Variants in SCFD2 observed in about 807,000 individuals in gnomAD.
The protein encoded by SCFD2 is sec1 family domain containing 2.
In SCFD2, 54 loss-of-function variants were observed where a neutral mutation model predicts 58.9. The ratio of observed to expected loss-of-function variants is 0.92; its 90% CI spans 0.74 to 1.15. The LOEUF (loss-of-function observed/expected upper bound fraction) is 1.15, where lower values mean the gene tolerates loss of function less well. Ranked by LOEUF, SCFD2 falls within the 50% of genes most tolerant of loss-of-function variation. The pLI, the probability that SCFD2 is intolerant of heterozygous loss-of-function variation, is 0.00. For missense variants in SCFD2, 805 were observed against 836.6 expected (o/e 0.96, Z 0.47); for synonymous variants, 321 against 335.9 (o/e 0.96, Z 0.49).
chr4:52,981,721 G>C (rs771469768), intron 5 of SCFD2, among the ~76,000 whole-genome samples: 2 of 152,138 alleles, frequency 1.3e-5, no homozygotes, highest in Non-Finnish European at 2.9e-5. Context: ...TTTGGAAGGG[G>C]TACAGGGTGA....
chr4:53,294,831 G>T (rs1334412069), intron 3 of SCFD2, among the ~76,000 whole-genome samples: 1 of 152,122 alleles, frequency 6.6e-6, no homozygotes, highest in Non-Finnish European at 1.5e-5. Flanking sequence ...TGTAAGGAAG[G>T]AATCCAGTTT....
chr4:52,922,116 C>T (rs778964542), intron 5 of SCFD2, among the ~76,000 whole-genome samples: 20 of 152,128 alleles, frequency 1.3e-4, no homozygotes, highest in Non-Finnish European at 2.1e-4. Flanking sequence ...ATTCAGTATT[C>T]GCACCCACAT....
intron 4 of SCFD2, among the ~76,000 whole-genome samples, chr4:53,174,402 TA>T (rs1352879868): frequency 1.3e-5 from 2 of 152,048 alleles, no homozygotes; most frequent in East Asian, 3.9e-4. Flanking sequence ...AATGAAATTG[TA>T]AAAAATATAT....
At chr4:52,989,212 C>T (rs1721565962) in intron 5 of SCFD2, among the ~76,000 whole-genome samples, 1 of 152,116 alleles carries the variant, frequency 6.6e-6, no homozygotes, top group Non-Finnish European at 1.5e-5. Context: ...TGGATGATGT[C>T]CCTAGTTCTG....
At chr4:53,355,705 C>T (rs879162801) in intron 1 of SCFD2, among the ~76,000 whole-genome samples, 1 of 152,112 alleles carries the variant, frequency 6.6e-6, no homozygotes, top group Admixed American at 6.5e-5. Context: ...CTCAACCTAC[C>T]CCTCCAACTG....
chr4:52,918,021 A>G (rs1050707342), intron 6 of SCFD2, among the ~76,000 whole-genome samples: 3 of 152,136 alleles, frequency 2.0e-5, no homozygotes, highest in Non-Finnish European at 2.9e-5. Flanking sequence ...AATATGCAGC[A>G]TAGGTCAGAC....
In SCFD2 at chr4:53,193,037, A is replaced by G. The variant is rs529728927; in HGVS notation, c.1312-47455T>C. Reference sequence around the variant, plus strand: ...ACCTCCTTATTGTAAACGAGTTGTAAGCATAAATTACATCTAACTTGTCAG... The same window carrying G: ...ACCTCCTTATTGTAAACGAGTTGTAGGCATAAATTACATCTAACTTGTCAG... On this transcript the variant is annotated intron_variant, in intron 4 of 8. Transcript: ENST00000401642. 7.2e-5 allele frequency among the ~76,000 whole-genome samples: 11 copies of G among 152,314 alleles called. No individual in the cohort carries two copies. In the South Asian group the frequency reaches 2.3e-3, roughly 32 times the overall value.
At chr4:52,907,667 G>T in intron 6 of SCFD2, 76 bp from the exon 7 acceptor site, 1 of 1,429,338 alleles carries the variant, frequency 7.0e-7, no homozygotes, top group South Asian at 1.2e-5. Context: ...CTGCAATGAA[G>T]AAAGCAAAGC....
intron 4 of SCFD2, among the ~76,000 whole-genome samples, chr4:53,231,334 G>A (rs1054268775): frequency 1.3e-5 from 2 of 152,050 alleles, no homozygotes; most frequent in Non-Finnish European, 2.9e-5. Flanking sequence ...TCTTGTTCAT[G>A]GATTCAGCCT....
At chr4:52,908,198 T>C (rs1188819233) in intron 6 of SCFD2, among the ~76,000 whole-genome samples, 1 of 152,252 alleles carries the variant, frequency 6.6e-6, no homozygotes, top group Non-Finnish European at 1.5e-5. Flanking sequence ...ATTAGGGAGA[T>C]GTTAGTTTGC....
chr4:52,887,760 C>T (rs1306364697), intron 7 of SCFD2, among the ~76,000 whole-genome samples: 1 of 152,180 alleles, frequency 6.6e-6, no homozygotes, highest in African/African-American at 2.4e-5. Flanking sequence ...ATCTGTGGGT[C>T]ACAGGCAGTC....
chr4:52,975,712 A>G (rs1435834284), intron 5 of SCFD2, among the ~76,000 whole-genome samples: 1 of 152,190 alleles, frequency 6.6e-6, no homozygotes, highest in African/African-American at 2.4e-5. Flanking sequence ...TGCTATAAAG[A>G]CACATGCACA....
intron 4 of SCFD2, among the ~76,000 whole-genome samples, chr4:53,245,713 G>A (rs911088868): frequency 5.3e-5 from 8 of 152,040 alleles, no homozygotes; most frequent in Admixed American, 6.6e-5. Flanking sequence ...AAAATAGTAA[G>A]GACCATCTAT....
chr4:52,960,213 A>G (rs972757418), intron 5 of SCFD2, among the ~76,000 whole-genome samples: 3 of 152,068 alleles, frequency 2.0e-5, no homozygotes, highest in Non-Finnish European at 4.4e-5. Flanking sequence ...TTATAATTTC[A>G]TGATTTTACT....
chr4:53,033,059 T>C (rs1044905717), intron 5 of SCFD2, among the ~76,000 whole-genome samples: 3 of 152,070 alleles, frequency 2.0e-5, no homozygotes, highest in Non-Finnish European at 2.9e-5. Flanking sequence ...ATTGACCACA[T>C]AATTGAAAGT....
At chr4:52,879,343 G>GATTTAATGAAAT (rs1718551857) in intron 8 of SCFD2, among the ~76,000 whole-genome samples, 1 of 152,166 alleles carries the variant, frequency 6.6e-6, no homozygotes, top group Admixed American at 6.5e-5. Flanking sequence ...TGAGAAATGG[G>GATTTAATGAAAT]GTTTTTAATG....
intron 5 of SCFD2, among the ~76,000 whole-genome samples, chr4:53,087,310 C>A (rs971316814): frequency 6.6e-6 from 1 of 152,086 alleles, no homozygotes; most frequent in African/African-American, 2.4e-5. Context: ...AACTTGTGGG[C>A]AAATAAATTG....
intron 3 of SCFD2, among the ~76,000 whole-genome samples, chr4:53,293,517 A>G (rs1577938167): frequency 6.6e-6 from 1 of 152,158 alleles, no homozygotes; most frequent in Non-Finnish European, 1.5e-5. Context: ...CAATAACAGA[A>G]AGATAAAAAC....
At chr4:52,921,121 GC>G (rs1719725384) in intron 5 of SCFD2, among the ~76,000 whole-genome samples, 1 of 152,126 alleles carries the variant, frequency 6.6e-6, no homozygotes, top group Non-Finnish European at 1.5e-5. Flanking sequence ...TGGGATTTCA[GC>G]CACTGGCTTC....
Sources: allele counts gnomAD v4.1 joint callset (sites outside exome capture counted in the v4.1 genomes callset), GRCh38; gene constraint gnomAD v4.1.1; transcripts MANE v1.5; gene names NCBI Gene and HGNC (gene_info 2026-07-23, HGNC 2026-07-21).